The following EDN1 variants were observed in gnomAD, a reference collection of about 807,000 sequenced individuals.
EDN1 encodes the protein endothelin-1.
In EDN1, 11 loss-of-function variants were observed where a neutral mutation model predicts 21.7. The observed-to-expected ratio is 0.51, with a 90% confidence interval of 0.32 to 0.84. EDN1 has a LOEUF of 0.84. EDN1 is among the 40% of genes least tolerant of loss of function. The probability of loss-of-function intolerance (pLI) is 0.03; values close to 1 mark genes in which losing one functional copy is unlikely to be tolerated. For missense variants in EDN1, 244 were observed against 262.3 expected (o/e 0.93, Z 0.48); for synonymous variants, 85 against 90.6 (o/e 0.94, Z 0.35).
chr6:12,287,112 G>A (rs1762568695), upstream of EDN1, among the ~76,000 whole-genome samples: 1 of 132,712 alleles, frequency 7.5e-6, no homozygotes, highest in South Asian at 2.7e-4. Context: ...GTGAGACCCT[G>A]TCCCCAAAAA....
the EDN1 span, among the ~76,000 whole-genome samples, chr6:12,246,417 A>C: frequency 1.3e-5 from 2 of 152,206 alleles, no homozygotes; most frequent in Admixed American, 1.3e-4. Context: ...TTTCCCAGAC[A>C]GCAATTTGCC....
the EDN1 span, among the ~76,000 whole-genome samples, chr6:12,268,331 C>T: frequency 3.3e-5 from 5 of 152,250 alleles, no homozygotes; most frequent in African/African-American, 4.8e-5. Flanking sequence ...GCAGAATAAT[C>T]CCATTTAACT....
chr6:12,237,660 C>CG, the EDN1 span, among the ~76,000 whole-genome samples: 1 of 152,066 alleles, frequency 6.6e-6, no homozygotes, highest in Non-Finnish European at 1.5e-5. Flanking sequence ...CCTGCTACTC[C>CG]GGGGCTGCCT....
chr6:12,258,077 C>T, the EDN1 span, among the ~76,000 whole-genome samples: 1 of 151,988 alleles, frequency 6.6e-6, no homozygotes, highest in Non-Finnish European at 1.5e-5. Context: ...GGAAGAAATG[C>T]TGCAATTAGT....
chr6:12,238,755 G>A, the EDN1 span, among the ~76,000 whole-genome samples: 1 of 152,204 alleles, frequency 6.6e-6, no homozygotes, highest in African/African-American at 2.4e-5. Context: ...AAAGAGGAAA[G>A]TGAAAGAATA....
At chr6:12,279,994 A>T in the EDN1 span, among the ~76,000 whole-genome samples, 2 of 152,218 alleles carry the variant, frequency 1.3e-5, no homozygotes, top group Admixed American at 1.3e-4. Flanking sequence ...AAAAAAGATA[A>T]CTAGAGATCT....
At chr6:12,254,721 T>C in the EDN1 span, among the ~76,000 whole-genome samples, 1 of 152,282 alleles carries the variant, frequency 6.6e-6, no homozygotes, top group Non-Finnish European at 1.5e-5. Context: ...AAAGAAAACA[T>C]GCACATAATA....
chr6:12,292,914 A>G (rs1762722415), intron 2 of EDN1, among the ~76,000 whole-genome samples: 1 of 152,170 alleles, frequency 6.6e-6, no homozygotes, highest in African/African-American at 2.4e-5. Flanking sequence ...AGAAGTGATG[A>G]TATAGAGGGT....
At chr6:12,261,918 C>T in the EDN1 span, among the ~76,000 whole-genome samples, 1 of 152,034 alleles carries the variant, frequency 6.6e-6, no homozygotes, top group South Asian at 2.1e-4. Context: ...AGAGGGGTCG[C>T]CAGAATTAGT....
chr6:12,294,557 T>C (rs757473068), intron 4 of EDN1, 153 bp downstream of exon 4: 13 of 854,196 alleles, frequency 1.5e-5, no homozygotes, highest in Non-Finnish European at 2.4e-5. Context: ...ATCCTATAGA[T>C]TAAAAGGAGC....
the EDN1 span, among the ~76,000 whole-genome samples, chr6:12,275,830 G>T: frequency 4.9e-5 from 7 of 143,874 alleles, no homozygotes; most frequent in Admixed American, 1.4e-4. Context: ...TGTGTGTGTG[G>T]ATGCATGCAT....
chr6:12,267,965 G>A, the EDN1 span, among the ~76,000 whole-genome samples: 9 of 152,120 alleles, frequency 5.9e-5, no homozygotes, highest in African/African-American at 1.9e-4. Context: ...CCACATAAAT[G>A]GAACAACAAA....
At chr6:12,290,845 T>TAA (rs1762661064) in intron 1 of EDN1, 152 bp downstream of exon 1, 1 of 737,522 alleles carries the variant, frequency 1.4e-6, no homozygotes. Context: ...AAAGCTACTT[T>TAA]AAGTCTTCTA....
At chr6:12,272,044 G>T in the EDN1 span, among the ~76,000 whole-genome samples, 1 of 152,300 alleles carries the variant, frequency 6.6e-6, no homozygotes, top group South Asian at 2.1e-4. Context: ...AGAGAAGAAG[G>T]TGAAGTTGGA....
intron 1 of EDN1, among the ~76,000 whole-genome samples, chr6:12,291,240 C>A (rs1762676392): frequency 6.6e-6 from 1 of 151,162 alleles, no homozygotes; most frequent in African/African-American, 2.4e-5. Context: ...GCCACCACCC[C>A]CCGCAGGCGG....
intron 1 of EDN1, 136 bp downstream of exon 1, chr6:12,290,829 T>C: frequency 1.3e-6 from 1 of 798,436 alleles, no homozygotes; most frequent in Non-Finnish European, 2.2e-6. Flanking sequence ...CTGAGAATTA[T>C]TGCTGAAAGC....
the EDN1 span, among the ~76,000 whole-genome samples, chr6:12,280,134 G>A: frequency 6.6e-6 from 1 of 152,144 alleles, no homozygotes; most frequent in Non-Finnish European, 1.5e-5. Flanking sequence ...AACTAGCTCT[G>A]TGACAAAATA....
the EDN1 span, among the ~76,000 whole-genome samples, chr6:12,234,295 C>T: frequency 6.6e-6 from 1 of 152,236 alleles, no homozygotes. Context: ...TCCCAGGTGG[C>T]TGCCTGGAAG....
At chr6:12,257,449 G>A in the EDN1 span, among the ~76,000 whole-genome samples, 1 of 152,156 alleles carries the variant, frequency 6.6e-6, no homozygotes, top group South Asian at 2.1e-4. Context: ...TGCTGAATTT[G>A]CTAGATTTCT....
Sources: allele counts gnomAD v4.1 joint callset (sites outside exome capture counted in the v4.1 genomes callset), GRCh38; gene constraint gnomAD v4.1.1; transcripts MANE v1.5; gene names NCBI Gene and HGNC (gene_info 2026-07-23, HGNC 2026-07-21).